The following PRMT1 variants were observed in gnomAD, a reference collection of about 807,000 sequenced individuals.
The protein encoded by PRMT1 is protein arginine N-methyltransferase 1.
A neutral mutation model predicts 47.4 loss-of-function variants in PRMT1; 5 were observed. The ratio of observed to expected loss-of-function variants is 0.11; its 90% confidence interval spans 0.06 to 0.22. PRMT1 has a LOEUF of 0.22. Ranked by LOEUF, PRMT1 falls within the 10% of genes least tolerant of loss-of-function variation. The pLI is 1.00. For missense variants in PRMT1, 249 were observed against 518.4 expected (o/e 0.48, Z 5.05); for synonymous variants, 227 against 204.6 (o/e 1.11, Z -0.94).
At position 49,680,727 on chromosome 19, in the gene PRMT1, T is replaced by G; in HGVS notation, c.192+139T>G. 7 of 672,160 alleles carry G rather than the reference T, an allele frequency of 1.0e-5. No individual in the cohort carries two copies. The highest frequency in any genetic ancestry group is 2.8e-5 in the East Asian group (1 of 35,936). 41.6% of individuals were successfully genotyped at this position (672,160 alleles called of 1,614,324 possible). On this transcript the variant is annotated intron_variant, in intron 3 of 10. Coordinates refer to ENST00000454376, the MANE Select transcript of PRMT1 (RefSeq NM_001536.6). This position sits in a 1 kb window ranked among gnomAD's most constrained non-coding sequence, Gnocchi z 4.2. The stretch of plus-strand genomic sequence containing the variant: ...CCCTGCCCCTCTGCTGCGCACTTCC[T>G]AGGGTCGCCTCGCCAAGCCGTTGCC...
chr19:49,676,846 C>G (rs1229478505), upstream of PRMT1, among the ~76,000 whole-genome samples: 1 of 152,226 alleles, frequency 6.6e-6, no homozygotes, highest in African/African-American at 2.4e-5. Context: ...ACGTCGCTTC[C>G]GGATAAACCA....
chr19:49,680,912 C>G lies in PRMT1; in HGVS notation c.192+324C>G, dbSNP rs1330669424. ...GCGGTGGGACTGCGCCCCGGCTGCT[C>G]CCGCCCTAACAGCTTCTGCACACTT... On this transcript the variant is annotated intron_variant, in intron 3 of 10. Transcript: ENST00000454376. This position sits in a 1 kb window ranked among gnomAD's most constrained non-coding sequence, Gnocchi z 4.2. Among the ~76,000 whole-genome samples, 1 of 152,208 alleles carries G rather than the reference C, an allele frequency of 6.6e-6. No individual in the cohort carries two copies. The highest frequency in any genetic ancestry group is 6.5e-5 in the Admixed American group (1 of 15,286).
intron 1 of PRMT1, among the ~76,000 whole-genome samples, chr19:49,678,455 T>C (rs1363658202): frequency 6.6e-6 from 1 of 152,076 alleles, no homozygotes; most frequent in Non-Finnish European, 1.5e-5. Context: ...TTTTCAGTGG[T>C]ATTGAGAAAT....
rs772201233 is a variant in PRMT1, at chr19:49,684,862, G to A, written c.643+21G>A. 1.6e-5 allele frequency: 25 copies of A among 1,611,368 alleles called. No homozygotes were observed. In the African/African-American group the frequency reaches 3.2e-4, roughly 21 times the overall value. On this transcript the variant is annotated intron_variant, in intron 7 of 10. Transcript: ENST00000454376. This position sits in a 1 kb window ranked among gnomAD's most constrained non-coding sequence, Gnocchi z 6.2. Reference sequence around the variant, plus strand: ...CCACTGTGAGCGCGGCCCGGGAGCTGGCGGGCGGGGCCTCGGGTGGGCTGC... The same window carrying A: ...CCACTGTGAGCGCGGCCCGGGAGCTAGCGGGCGGGGCCTCGGGTGGGCTGC...
At position 49,685,173 on chromosome 19, in the gene PRMT1, G is replaced by A; in HGVS notation, c.759+136G>A. On this transcript the variant is annotated intron_variant, in intron 8 of 10. Transcript: ENST00000454376. The surrounding 1 kb of genome is among the most constrained non-coding windows in gnomAD (Gnocchi z 4.7). The stretch of plus-strand genomic sequence containing the variant: ...GCCTGATCTGCCAGCCAGAGGTGGT[G>A]CTAGAGGCCCAGGAAAGACACTTCG... 1 of 1,550,162 alleles carries A rather than the reference G, an allele frequency of 6.5e-7. No individual in the cohort carries two copies.
intron 5 of PRMT1, 136 bp downstream of exon 5, chr19:49,682,395 C>G: frequency 1.1e-6 from 1 of 915,772 alleles, no homozygotes; most frequent in Non-Finnish European, 1.7e-6. Flanking sequence ...TTTGGGCTGC[C>G]GGCCGCCTGA....
chr19:49,680,720 C>T lies in PRMT1; in HGVS notation c.192+132C>T. ...GCCGCCCCCCTGCCCCTCTGCTGCG[C>T]ACTTCCTAGGGTCGCCTCGCCAAGC... is the stretch of plus-strand genomic sequence containing the variant. On this transcript the variant is annotated intron_variant, in intron 3 of 10. Coordinates refer to ENST00000454376, the MANE Select transcript of PRMT1 (RefSeq NM_001536.6). The surrounding 1 kb of genome is among the most constrained non-coding windows in gnomAD (Gnocchi z 4.2). 1.3e-6 allele frequency: 1 copy of T among 746,044 alleles called. No individual in the cohort carries two copies. Among genetic ancestry groups the T allele is most frequent in the Non-Finnish European group, 2.3e-6 (1 of 443,782 alleles). 46.2% of individuals were successfully genotyped at this position (746,044 alleles called of 1,614,324 possible).
At position 49,684,272 on chromosome 19, in the gene PRMT1, G is replaced by A. The variant is rs986310352; in HGVS notation, c.555+203G>A. 3.3e-5 allele frequency among the ~76,000 whole-genome samples: 5 copies of A among 151,754 alleles called. No individual in the cohort carries two copies. The highest frequency in any genetic ancestry group is 6.6e-5 in the Admixed American group (1 of 15,250). On this transcript the variant is annotated intron_variant, in intron 6 of 10. Coordinates refer to ENST00000454376, the MANE Select transcript of PRMT1 (RefSeq NM_001536.6). The surrounding 1 kb of genome is among the most constrained non-coding windows in gnomAD (Gnocchi z 6.2). ...GGGAGGTCGTAGGAACAGGAAATCC[G>A]TAGCGGCGCAATAGCCCAGGTCCTT...
At chr19:49,683,707 A>T (rs1336144999) in intron 5 of PRMT1, 5 of 489,448 alleles carry the variant, frequency 1.0e-5, no homozygotes, top group Admixed American at 6.9e-5. Flanking sequence ...AAAAAAAAAA[A>T]AGTAACATCA....
chr19:49,680,287 G>A lies in PRMT1; in HGVS notation c.91-200G>A, dbSNP rs1241150765. On this transcript the variant is annotated intron_variant, in intron 2 of 10. Transcript: ENST00000454376. The surrounding 1 kb of genome is among the most constrained non-coding windows in gnomAD (Gnocchi z 4.2). ...GTGCTCCCCTGGATGGTGCTCTGGGGGGGTCCTGGAAGTGGAAAATGGGGT... is the reference window on the plus strand; with the variant it reads ...GTGCTCCCCTGGATGGTGCTCTGGGAGGGTCCTGGAAGTGGAAAATGGGGT... 1 of 1,472,996 alleles carries A rather than the reference G, an allele frequency of 6.8e-7. No individual in the cohort carries two copies. Among genetic ancestry groups the A allele is most frequent in the South Asian group, 1.1e-5 (1 of 87,100 alleles). The allele number at this position is 1,472,996 out of a possible 1,614,324, so 91.2% of individuals were successfully genotyped here.
chr19:49,682,181 T>C lies in PRMT1; in HGVS notation c.349-15T>C. On this transcript the variant is annotated splice_polypyrimidine_tract_variant and intron_variant, in intron 4 of 10. Coordinates refer to ENST00000454376, the MANE Select transcript of PRMT1 (RefSeq NM_001536.6). ...AGGGGATGGGTCTCACCCTCCCTTC[T>C]TCCTGGGCCCTCAGATCGAGTGTTC... 6.2e-7 allele frequency: 1 copy of C among 1,614,154 alleles called. No individual in the cohort carries two copies.
intron 5 of PRMT1, 50 bp from the exon 6 acceptor site, chr19:49,683,877 G>T (rs2082162606): frequency 3.8e-6 from 6 of 1,582,676 alleles, no homozygotes; most frequent in Non-Finnish European, 5.2e-6. Context: ...GAGGTGAGGT[G>T]AGGGGCAGGC....
In PRMT1 at chr19:49,686,590, C is replaced by T. The variant is rs779986484; in HGVS notation, c.911-15C>T. ...GGCAGCAGGCCGAGGCCGGCTGACCCGCCCGCGCCCCCAGGCCCCGAGTCC... is the reference window on the plus strand; with the variant it reads ...GGCAGCAGGCCGAGGCCGGCTGACCTGCCCGCGCCCCCAGGCCCCGAGTCC... On this transcript the variant is annotated splice_polypyrimidine_tract_variant and intron_variant, in intron 9 of 10. Coordinates refer to ENST00000454376, the MANE Select transcript of PRMT1 (RefSeq NM_001536.6). The T allele has an allele frequency of 4.7e-5, 75 of 1,607,398 alleles. No individual in the cohort carries two copies. Among genetic ancestry groups the T allele is most frequent in the Non-Finnish European group, 5.6e-5 (66 of 1,177,800 alleles).
intron 1 of PRMT1, among the ~76,000 whole-genome samples, chr19:49,678,627 T>C (rs2082071532): frequency 6.6e-6 from 1 of 152,140 alleles, no homozygotes; most frequent in Non-Finnish European, 1.5e-5. Flanking sequence ...AGATGTAATC[T>C]GATGGGGCCT....
Position 49,685,546 on chromosome 19 carries a change from A to T in PRMT1, c.759+509A>T, listed in dbSNP as rs568876425. ...TTTTTTTACTTCTGAGACCCTGTTT[A>T]AAAAAAAAAAATACGGCGATGAGTA... is the stretch of plus-strand genomic sequence containing the variant. On this transcript the variant is annotated intron_variant, in intron 8 of 10. Transcript: ENST00000454376. The surrounding 1 kb of genome is among the most constrained non-coding windows in gnomAD (Gnocchi z 4.7). 0.011 allele frequency: 4,242 copies of T among 387,324 alleles called. 5 individuals carry two copies. The highest frequency in any genetic ancestry group is 0.023 in the Middle Eastern group (19 of 820). The allele number at this position is 387,324 out of a possible 1,614,324, so 24.0% of individuals were successfully genotyped here. A position where few individuals can be genotyped will look rare whatever the true frequency, so the allele number is the denominator to read the frequency against.
Position 49,684,221 on chromosome 19 carries a change from C to A in PRMT1, c.555+152C>A. On this transcript the variant is annotated intron_variant, in intron 6 of 10. Transcript: ENST00000454376. The surrounding 1 kb of genome is among the most constrained non-coding windows in gnomAD (Gnocchi z 6.2). ...CACAGCCCAAGCCAGGTGTGACAGA[C>A]CCTGGAGGGAGATGGTGCGATGTGG... is the stretch of plus-strand genomic sequence containing the variant. 3.6e-6 allele frequency: 4 copies of A among 1,101,766 alleles called. No homozygotes were observed. The highest frequency in any genetic ancestry group is 5.2e-6 in the Non-Finnish European group (4 of 767,870). 68.2% of individuals were successfully genotyped at this position (1,101,766 alleles called of 1,614,324 possible).
In PRMT1 at chr19:49,688,089, TAGCCTGCCTGC is replaced by T; in HGVS notation, c.1033-71_1033-61del. On this transcript the variant is annotated intron_variant, in intron 10 of 10. Coordinates refer to ENST00000454376, the MANE Select transcript of PRMT1 (RefSeq NM_001536.6). The surrounding 1 kb of genome is among the most constrained non-coding windows in gnomAD (Gnocchi z 5.3). ...AGCTGGAGCCCGGCTCATCGTCGCATAGCCTGCCTGCACCCGCCCCCCGCCACCACCTCCTG... is the reference window on the plus strand; with the variant it reads ...AGCTGGAGCCCGGCTCATCGTCGCATACCCGCCCCCCGCCACCACCTCCTG... 1 of 1,322,286 alleles carries T rather than the reference TAGCCTGCCTGC, an allele frequency of 7.6e-7. No individual in the cohort carries two copies. The highest frequency in any genetic ancestry group is 1.1e-6 in the Non-Finnish European group (1 of 914,398). The allele number at this position is 1,322,286 out of a possible 1,614,324, so 81.9% of individuals were successfully genotyped here.
chr19:49,686,566 G>GGGGGGGGGGGCC, intron 9 of PRMT1, 39 bp from the exon 10 acceptor site: 1 of 1,315,662 alleles, frequency 7.6e-7, no homozygotes, highest in East Asian at 2.8e-5. Flanking sequence ...GTTGGGGGGG[G>GGGGGGGGGGGCC]CAGCAGGCCG....
At chr19:49,683,234 AAG>A (rs1156325976) in intron 5 of PRMT1, among the ~76,000 whole-genome samples, 2 of 152,054 alleles carry the variant, frequency 1.3e-5, no homozygotes, top group East Asian at 1.9e-4. Context: ...GATTTTTAAA[AAG>A]AGATTATTAT....
Sources: gnomAD v4.1 joint callset for allele counts (sites outside exome capture counted in the v4.1 genomes callset) on GRCh38, gnomAD v4.1.1 for gene constraint, Gnocchi (gnomAD v3.1) non-coding constraint, MANE v1.5 for transcripts, NCBI Gene and HGNC (gene_info 2026-07-23, HGNC 2026-07-21) for gene names.